The following TLE6 variants were observed in gnomAD, a reference collection of about 807,000 sequenced individuals.
TLE6 encodes the protein TLE family member 6, subcortical maternal complex member.
Under a neutral mutation model 77.1 loss-of-function variants are expected in TLE6, and 72 were observed. The observed-to-expected ratio is 0.93, with a 90% CI of 0.77 to 1.14. The LOEUF (loss-of-function observed/expected upper bound fraction) is 1.14, where lower values mean the gene tolerates loss of function less well. Among genes scored for constraint, TLE6 ranks in the 50% most tolerant of loss-of-function variants. The probability of loss-of-function intolerance (pLI) is 0.00; values close to 1 mark genes in which losing one functional copy is unlikely to be tolerated. For synonymous variants in TLE6, 366 were observed against 287.3 expected (o/e 1.27, Z -2.77); for missense variants, 843 against 747.6 (o/e 1.13, Z -1.49).
chr19:2,984,138 C>G (rs1309481975), intron 5 of TLE6: 1 of 152,332 alleles, frequency 6.6e-6, no homozygotes, highest in Middle Eastern at 3.1e-3. Context: ...CCTCCGACAG[C>G]CCGCCTGCCA....
At chr19:2,987,328 C>T (rs772729598) in intron 7 of TLE6, 28 bp from the exon 8 acceptor site, 18 of 1,614,172 alleles carry the variant, frequency 1.1e-5, no homozygotes, top group Admixed American at 3.3e-5. Context: ...CTCTGTCCCC[C>T]TCCTCCTCTC....
In TLE6 at chr19:2,980,151, G is replaced by T; in HGVS notation, c.103G>T (p.Gly35Cys). 6.5e-7 allele frequency: 1 copy of T among 1,549,470 alleles called. No homozygotes were observed. The highest frequency in any genetic ancestry group is 1.2e-5 in the South Asian group (1 of 84,012). ...SESSPTLNYQ[G>C]ILNRLKQFPR... ...GAGCTCTCCGACGCTGAATTATCAG[G>T]GCATTCTAAATCGGCTCAAGCAGTT... The change falls in exon 3 of 17, where the codon GGC becomes TGC. Residue 35 changes from glycine (G) to cysteine (C), a missense_variant. Gly to Cys is a radical substitution (Grantham distance 159, BLOSUM62 -3). Coordinates refer to ENST00000246112, the MANE Select transcript of TLE6 (RefSeq NM_001143986.2).
intron 13 of TLE6, among the ~76,000 whole-genome samples, chr19:2,991,438 T>C (rs953680742): frequency 2.0e-5 from 3 of 147,564 alleles, no homozygotes; most frequent in South Asian, 4.2e-4. Flanking sequence ...ATATATAATA[T>C]ATGTATTTAT....
rs192607084 is a variant in TLE6, at chr19:2,984,989, G to C, written c.223-1840G>C. 1.3e-4 allele frequency among the ~76,000 whole-genome samples: 19 copies of C among 151,884 alleles called. No homozygotes were observed. In the East Asian group the frequency reaches 3.7e-3, roughly 30 times the overall value. On this transcript the variant is annotated intron_variant, in intron 5 of 16. Transcript: ENST00000246112. ...CACCAGACTGGGTGAGGTGGCTCAC[G>C]CCTGTAATCCCAGCACTTTGGGAGG...
intron 5 of TLE6, among the ~76,000 whole-genome samples, chr19:2,983,560 C>T (rs1016359050): frequency 6.8e-6 from 1 of 147,292 alleles, no homozygotes; most frequent in Non-Finnish European, 1.5e-5. Context: ...CAGGACGGTG[C>T]CTGTTGTGTT....
intron 3 of TLE6, 77 bp from the exon 4 acceptor site, chr19:2,981,461 G>A (rs2088796038): frequency 1.1e-5 from 16 of 1,462,728 alleles, no homozygotes; most frequent in African/African-American, 1.4e-5. Context: ...CCCTCCCTAG[G>A]GGTTGAGGGT....
intron 5 of TLE6, among the ~76,000 whole-genome samples, chr19:2,985,180 G>A (rs1294723516): frequency 6.6e-6 from 1 of 151,890 alleles, no homozygotes; most frequent in Non-Finnish European, 1.5e-5. Context: ...AACCCAGGAG[G>A]CAGAGGTTAC....
chr19:2,986,992 G>A lies in TLE6; in HGVS notation c.295G>A (p.Ala99Thr). The A allele has an allele frequency of 2.5e-6, 4 of 1,611,874 alleles. No homozygotes were observed. Among genetic ancestry groups the A allele is most frequent in the Non-Finnish European group, 3.4e-6 (4 of 1,178,588 alleles). Reference protein sequence around the residue: ...QGFQSEEVSPAEPASPGTPQQ... With the variant: ...QGFQSEEVSPTEPASPGTPQQ... ...GTTCCTGCCGGGCCAGGTCTCACCT[G>A]CTGAACCAGCCAGCCCTGGGACGCC... The change falls in exon 7 of 17, where the codon GCT becomes ACT. Residue 99 changes from alanine to threonine, a missense_variant. By Grantham distance (58) the Ala-to-Thr change is moderately conservative. Transcript: ENST00000246112.
chr19:2,992,110 TG>T (rs1376940793), intron 14 of TLE6, 126 bp downstream of exon 14: 27 of 1,114,594 alleles, frequency 2.4e-5, no homozygotes, highest in Non-Finnish European at 3.5e-5. Context: ...CCAAGGTGGG[TG>T]GATCACCTGA....
At position 2,993,419 on chromosome 19, in the gene TLE6, G is replaced by A. The variant is rs1233234773; in HGVS notation, c.1387-13G>A. Reference sequence around the variant, plus strand: ...CTAACCAGGTTCCTCCCTCCCCACTGCCCATTACCTAGATAATGAGCCTGT... The same window carrying A: ...CTAACCAGGTTCCTCCCTCCCCACTACCCATTACCTAGATAATGAGCCTGT... On this transcript the variant is annotated splice_polypyrimidine_tract_variant and intron_variant, in intron 14 of 16. Coordinates refer to ENST00000246112, the MANE Select transcript of TLE6 (RefSeq NM_001143986.2). 1.3e-6 allele frequency: 2 copies of A among 1,596,470 alleles called. No individual in the cohort carries two copies. Among genetic ancestry groups the A allele is most frequent in the Middle Eastern group, 1.7e-4 (1 of 5,972 alleles).
chr19:2,984,388 C>T (rs2088864450), intron 5 of TLE6: 1 of 152,096 alleles, frequency 6.6e-6, no homozygotes, highest in African/African-American at 2.4e-5. Flanking sequence ...CTCCCGGCCC[C>T]TCCCTCCGCC....
At chr19:2,980,064 TGTAA>T (rs1042423105) in intron 2 of TLE6, 32 bp from the exon 3 acceptor site, 2 of 1,531,332 alleles carry the variant, frequency 1.3e-6, no homozygotes, top group East Asian at 2.5e-5. Flanking sequence ...GTTGGAGCAT[TGTAA>T]GTTTTATGTA....
intron 2 of TLE6, 88 bp from the exon 3 acceptor site, chr19:2,980,012 A>G: frequency 9.8e-7 from 1 of 1,024,752 alleles, no homozygotes; most frequent in East Asian, 2.7e-5. Flanking sequence ...GCACCAACCT[A>G]ATGCCTATGC....
chr19:2,993,750 G>A (rs2089140328), intron 15 of TLE6, among the ~76,000 whole-genome samples, 168 bp downstream of exon 15: 1 of 151,980 alleles, frequency 6.6e-6, no homozygotes, highest in African/African-American at 2.4e-5. Context: ...AGGGAAGGGG[G>A]TGGGTGCCTG....
At position 2,986,059 on chromosome 19, in the gene TLE6, G is replaced by A. The variant is rs374626277; in HGVS notation, c.223-770G>A. Reference sequence around the variant, plus strand: ...ACTGCACTCCTGCCTGGGCCACAGCGTGAGACTGTCTCAAAAAAAAAAAAA... The same window carrying A: ...ACTGCACTCCTGCCTGGGCCACAGCATGAGACTGTCTCAAAAAAAAAAAAA... On this transcript the variant is annotated intron_variant, in intron 5 of 16. Coordinates refer to ENST00000246112, the MANE Select transcript of TLE6 (RefSeq NM_001143986.2). Among the ~76,000 whole-genome samples the A allele has an allele frequency of 3.8e-4, 44 of 115,740 alleles. No homozygotes were observed. In the East Asian group the frequency reaches 8.1e-3, roughly 21 times the overall value. 75.9% of individuals were successfully genotyped at this position (115,740 alleles called of 152,430 possible). A position where few individuals can be genotyped will look rare whatever the true frequency, so the allele number is the denominator to read the frequency against.
At chr19:2,989,905 C>T (rs890364685) in intron 13 of TLE6, 120 bp downstream of exon 13, 23 of 1,401,782 alleles carry the variant, frequency 1.6e-5, no homozygotes, top group African/African-American at 8.6e-5. Flanking sequence ...TGGGATATAG[C>T]ACTCTCCCAG....
In TLE6 at chr19:2,978,996, G is replaced by A. The variant is rs953418485; in HGVS notation, c.51+712G>A. Among the ~76,000 whole-genome samples, 9 of 151,936 alleles carry A rather than the reference G, an allele frequency of 5.9e-5. 1 individual carries two copies. Among genetic ancestry groups the A allele is most frequent in the Non-Finnish European group, 1.2e-4 (8 of 67,998 alleles). On this transcript the variant is annotated intron_variant, in intron 2 of 16. Coordinates refer to ENST00000246112, the MANE Select transcript of TLE6 (RefSeq NM_001143986.2). ...TGAGACGGAGTCTCACACTCACCTC[G>A]GCTGGAATGCAATGGCGCAATCTCA...
At chr19:2,990,847 T>A (rs936201489) in intron 13 of TLE6, among the ~76,000 whole-genome samples, 1 of 150,372 alleles carries the variant, frequency 6.7e-6, no homozygotes, top group Non-Finnish European at 1.5e-5. Context: ...CTAAAAAATA[T>A]GAAAATTAGC....
intron 14 of TLE6, 64 bp downstream of exon 14, chr19:2,992,048 G>T: frequency 1.3e-6 from 2 of 1,585,368 alleles, no homozygotes; most frequent in Non-Finnish European, 1.7e-6. Flanking sequence ...TAAAAAATGA[G>T]GTTGAGGCCG....
Sources: gnomAD v4.1 joint callset for allele counts (sites outside exome capture counted in the v4.1 genomes callset) on GRCh38, gnomAD v4.1.1 for gene constraint, MANE v1.5 for transcripts, NCBI Gene and HGNC (gene_info 2026-07-23, HGNC 2026-07-21) for gene names.